NRCAM: variants seen among roughly 807,000 people sequenced by gnomAD.
NRCAM encodes the protein neuronal cell adhesion molecule.
A neutral mutation model predicts 156.5 loss-of-function variants in NRCAM; 83 were observed. That is an observed-to-expected ratio of 0.53 (90% CI 0.44 to 0.64). The LOEUF is 0.64. Ranked by LOEUF, NRCAM falls within the 30% of genes least tolerant of loss-of-function variation. NRCAM has a pLI of 0.00. For missense variants in NRCAM, 1,417 were observed against 1,597.3 expected (o/e 0.89, Z 1.92); for synonymous variants, 538 against 563.9 (o/e 0.95, Z 0.65).
chr7:108,412,991 G>C (rs1373999086), intron 1 of NRCAM, among the ~76,000 whole-genome samples: 7 of 152,170 alleles, frequency 4.6e-5, no homozygotes, highest in South Asian at 2.1e-4. Flanking sequence ...ATTGTGAATA[G>C]TGCTGCTATG....
chr7:108,291,004 T>G (rs2098272076), intron 3 of NRCAM, among the ~76,000 whole-genome samples: 1 of 152,134 alleles, frequency 6.6e-6, no homozygotes, highest in African/African-American at 2.4e-5. Flanking sequence ...CAGAGAGAAA[T>G]CTTTCAGAGA....
chr7:108,242,253 C>T (rs1263500332), intron 3 of NRCAM, among the ~76,000 whole-genome samples: 24 of 78,546 alleles, frequency 3.1e-4, no homozygotes, highest in Admixed American at 2.0e-3. Flanking sequence ...AGCAAGACCC[C>T]GTCTCAAAAA....
chr7:108,436,607 A>G (rs1832525570), intron 1 of NRCAM, among the ~76,000 whole-genome samples: 1 of 152,208 alleles, frequency 6.6e-6, no homozygotes, highest in South Asian at 2.1e-4. Flanking sequence ...TTTTGCATTT[A>G]AAAAATTTTT....
chr7:108,336,480 T>A (rs1378632847), intron 2 of NRCAM, among the ~76,000 whole-genome samples: 1 of 152,246 alleles, frequency 6.6e-6, no homozygotes, highest in Admixed American at 6.5e-5. Flanking sequence ...TGAATTTTTT[T>A]AAATCATGGG....
At position 108,229,176 on chromosome 7, in the gene NRCAM, T is replaced by C. The variant is rs147800199; in HGVS notation, c.550+1855A>G. Among the ~76,000 whole-genome samples, 1,425 of 152,306 alleles carry C rather than the reference T, an allele frequency of 9.4e-3. 15 individuals are homozygous for C. The highest frequency in any genetic ancestry group is 0.014 in the Non-Finnish European group (939 of 68,012). On this transcript the variant is annotated intron_variant, in intron 8 of 32. Transcript: ENST00000379028. ...AGAACCTCCAAGATGTCAAATTCAG[T>C]AGTCATTTTTTAGTTCTCATATTAT...
At chr7:108,266,223 T>A (rs967029458) in intron 3 of NRCAM, among the ~76,000 whole-genome samples, 3 of 152,256 alleles carry the variant, frequency 2.0e-5, no homozygotes, top group African/African-American at 7.2e-5. Flanking sequence ...AGAAGCCATG[T>A]GCTGGCACTT....
chr7:108,398,512 G>A (rs117736722), intron 2 of NRCAM, among the ~76,000 whole-genome samples: 1 of 152,188 alleles, frequency 6.6e-6, no homozygotes, highest in East Asian at 1.9e-4. Flanking sequence ...TAACACCTCA[G>A]TGCTTCCTGC....
chr7:108,387,821 T>C (rs1157601532), intron 2 of NRCAM, among the ~76,000 whole-genome samples: 2 of 151,794 alleles, frequency 1.3e-5, no homozygotes, highest in African/African-American at 4.8e-5. Flanking sequence ...TGGTTTTCTG[T>C]CCTTGTGATA....
intron 13 of NRCAM, among the ~76,000 whole-genome samples, chr7:108,203,574 T>C (rs903908780): frequency 1.4e-4 from 21 of 152,138 alleles, no homozygotes; most frequent in Admixed American, 3.3e-4. Context: ...TTTTACAGTA[T>C]TTATGTGCAC....
At chr7:108,444,098 C>G (rs1841867230) in intron 1 of NRCAM, among the ~76,000 whole-genome samples, 1 of 152,018 alleles carries the variant, frequency 6.6e-6, no homozygotes, top group Non-Finnish European at 1.5e-5. Context: ...AACAATGCAA[C>G]AATTTAAAAT....
chr7:108,184,827 C>T lies in NRCAM; in HGVS notation c.2036-213G>A, dbSNP rs184972446. 9.4e-4 allele frequency among the ~76,000 whole-genome samples: 143 copies of T among 152,174 alleles called. No individual in the cohort carries two copies. In the Middle Eastern group the frequency reaches 0.01, roughly 11 times the overall value. On this transcript the variant is annotated intron_variant, in intron 20 of 32. Coordinates refer to ENST00000379028, the MANE Select transcript of NRCAM (RefSeq NM_001037132.4). ...TGATAACATTTTAGTGGAAAAATGG[C>T]ATCTCACTGTATTTAATTTAATTTC...
At chr7:108,328,299 T>C (rs904438101) in intron 2 of NRCAM, 18 of 152,188 alleles carry the variant, frequency 1.2e-4, no homozygotes, top group African/African-American at 4.3e-4. Flanking sequence ...ACAATTCTAA[T>C]CTGGGCTTCG....
At chr7:108,349,156 C>T (rs901432048) in intron 2 of NRCAM, among the ~76,000 whole-genome samples, 1 of 152,176 alleles carries the variant, frequency 6.6e-6, no homozygotes, top group Non-Finnish European at 1.5e-5. Flanking sequence ...CACTGGTTTG[C>T]CAAGTTTTAG....
chr7:108,160,612 C>A, intron 30 of NRCAM, 120 bp from the exon 31 acceptor site: 1 of 668,458 alleles, frequency 1.5e-6, no homozygotes. Context: ...ACATGTGGCC[C>A]CAAATTAGGA....
intron 3 of NRCAM, among the ~76,000 whole-genome samples, chr7:108,251,345 C>T (rs952821882): frequency 1.3e-5 from 2 of 152,102 alleles, no homozygotes; most frequent in Non-Finnish European, 2.9e-5. Flanking sequence ...GGTTAAAATA[C>T]TTACAAAAAT....
intron 3 of NRCAM, among the ~76,000 whole-genome samples, chr7:108,241,029 C>A (rs935923172): frequency 3.3e-5 from 5 of 152,062 alleles, no homozygotes; most frequent in Admixed American, 3.3e-4. Context: ...ATTTTCTTAT[C>A]AAAGTCCAAT....
chr7:108,290,569 T>G (rs1224232612), intron 3 of NRCAM, among the ~76,000 whole-genome samples: 2 of 152,210 alleles, frequency 1.3e-5, no homozygotes, highest in African/African-American at 4.8e-5. Context: ...AAAGCAAGCA[T>G]TTCTACTCTT....
chr7:108,348,403 A>G, intron 2 of NRCAM, among the ~76,000 whole-genome samples: 1 of 152,164 alleles, frequency 6.6e-6, no homozygotes, highest in East Asian at 1.9e-4. Flanking sequence ...AATAAGCCTT[A>G]TCTGCCAAGT....
At chr7:108,374,414 C>T (rs112024466) in intron 2 of NRCAM, among the ~76,000 whole-genome samples, 6,664 of 27,294 alleles carry the variant, frequency 0.24, 487 homozygotes, top group African/African-American at 0.48. Flanking sequence ...CCAAGCAAAG[C>T]ACCTAAGGTT....
Sources: gnomAD v4.1 joint callset for allele counts (sites outside exome capture counted in the v4.1 genomes callset) on GRCh38, gnomAD v4.1.1 for gene constraint, MANE v1.5 for transcripts, NCBI Gene and HGNC (gene_info 2026-07-23, HGNC 2026-07-21) for gene names.